Variants in GBF1 observed in about 807,000 individuals in gnomAD.
The protein encoded by GBF1 is Golgi-specific brefeldin A-resistance guanine nucleotide exchange factor 1.
In GBF1, 114 loss-of-function variants were observed where a neutral mutation model predicts 210.5. The observed-to-expected ratio is 0.54, with a 90% CI of 0.47 to 0.63. The LOEUF is 0.63. Ranked by LOEUF, GBF1 falls within the 30% of genes least tolerant of loss-of-function variation. The pLI is 0.00. For missense variants in GBF1, 1,851 were observed against 2,357.7 expected, an observed-to-expected ratio of 0.79 and a Z score of 4.45; for synonymous variants, 850 against 889.2, an observed-to-expected ratio of 0.96 and a Z score of 0.78.
intron 3 of GBF1, among the ~76,000 whole-genome samples, chr10:102,303,651 C>T (rs1001654904): frequency 6.6e-6 from 1 of 152,184 alleles, no homozygotes; most frequent in South Asian, 2.1e-4. Flanking sequence ...GCAGCTCACA[C>T]CACGCAGCTT....
chr10:102,276,387 A>G (rs814004), intron 3 of GBF1, among the ~76,000 whole-genome samples: 6 of 151,626 alleles, frequency 4.0e-5, no homozygotes, highest in African/African-American at 1.5e-4. Flanking sequence ...TTAGCTGGGC[A>G]TGGTGGCGGG....
At position 102,370,140 on chromosome 10, in the gene GBF1, G is replaced by T. The variant is rs775906622; in HGVS notation, c.3340-34G>T. ...GGACATTCTGTTCTCTTCAGCCTTT[G>T]TCAAAGACCCCCTCTCTCTTTTGCC... On this transcript the variant is annotated intron_variant, in intron 26 of 39. Transcript: ENST00000369983. 3.2e-6 allele frequency: 5 copies of T among 1,567,546 alleles called. No individual in the cohort carries two copies. In the Admixed American group the frequency reaches 8.3e-5, roughly 26 times the overall value.
At chr10:102,312,734 GC>G (rs2078580420) in intron 3 of GBF1, among the ~76,000 whole-genome samples, 1 of 152,164 alleles carries the variant, frequency 6.6e-6, no homozygotes, top group Non-Finnish European at 1.5e-5. Context: ...ATAGAGCTTT[GC>G]CCATGAGACA....
At chr10:102,314,834 T>C (rs1318267634) in intron 3 of GBF1, among the ~76,000 whole-genome samples, 1 of 152,200 alleles carries the variant, frequency 6.6e-6, no homozygotes, top group Non-Finnish European at 1.5e-5. Context: ...ATGAAAAACA[T>C]CTACCTAGCT....
chr10:102,336,037 C>T (rs571047693), intron 3 of GBF1, among the ~76,000 whole-genome samples: 10 of 152,220 alleles, frequency 6.6e-5, no homozygotes, highest in East Asian at 1.9e-4. Flanking sequence ...TGCAGTGGCT[C>T]ATGCCTGTAA....
chr10:102,278,392 G>C (rs1374915560), intron 3 of GBF1, among the ~76,000 whole-genome samples: 1 of 151,850 alleles, frequency 6.6e-6, no homozygotes, highest in Non-Finnish European at 1.5e-5. Context: ...TGGTCCTCCT[G>C]CCTTGGTCTT....
At chr10:102,236,537 C>T in the GBF1 span, among the ~76,000 whole-genome samples, 1 of 152,152 alleles carries the variant, frequency 6.6e-6, no homozygotes, top group Non-Finnish European at 1.5e-5. Flanking sequence ...GTAGTACAGG[C>T]TGGAATTACA....
chr10:102,315,436 A>G (rs1201221501), intron 3 of GBF1, among the ~76,000 whole-genome samples: 2 of 152,164 alleles, frequency 1.3e-5, no homozygotes, highest in Admixed American at 6.5e-5. Flanking sequence ...AATGTAACTA[A>G]CACTGTAGAA....
At chr10:102,260,473 C>CTTTTTTTTTTTTTTTTTTTTTTTTT (rs879575033) in intron 3 of GBF1, among the ~76,000 whole-genome samples, 3 of 74,784 alleles carry the variant, frequency 4.0e-5, no homozygotes, top group African/African-American at 7.0e-5. Flanking sequence ...ATTTTCCTTT[C>CTTTTTTTTTTTTTTTTTTTTTTTTT]TTCTTTTTTT....
At chr10:102,292,341 C>T (rs1275230628) in intron 3 of GBF1, among the ~76,000 whole-genome samples, 6 of 151,998 alleles carry the variant, frequency 3.9e-5, no homozygotes, top group African/African-American at 7.2e-5. Flanking sequence ...TTGGACCAAA[C>T]GATCTCTCAA....
chr10:102,303,418 A>G (rs1852205528), intron 3 of GBF1, among the ~76,000 whole-genome samples: 1 of 152,208 alleles, frequency 6.6e-6, no homozygotes, highest in African/African-American at 2.4e-5. Context: ...GTCAAAATCA[A>G]TTGACCATAA....
chr10:102,272,963 C>T lies in GBF1; in HGVS notation c.163+12847C>T, dbSNP rs531346751. Among the ~76,000 whole-genome samples, 5 of 152,286 alleles carry T rather than the reference C, an allele frequency of 3.3e-5. No homozygotes were observed. The South Asian group carries it at 1.0e-3, about 32-fold the overall frequency. ...GTCCCCTTCAGACTGGTTCCTTTGT[C>T]TTTTGACATGACATCTTTGAACACT... On this transcript the variant is annotated intron_variant, in intron 3 of 39. Coordinates refer to ENST00000369983, the MANE Select transcript of GBF1 (RefSeq NM_001377137.1).
chr10:102,281,504 G>T (rs1174596334), intron 3 of GBF1, among the ~76,000 whole-genome samples: 2 of 150,538 alleles, frequency 1.3e-5, no homozygotes, highest in East Asian at 3.9e-4. Context: ...TTCAATTTTA[G>T]AATCTATAAA....
chr10:102,279,757 A>C (rs1330836723), intron 3 of GBF1, among the ~76,000 whole-genome samples: 2 of 152,172 alleles, frequency 1.3e-5, no homozygotes, highest in Non-Finnish European at 2.9e-5. Context: ...TACGGAGAAT[A>C]GGCTAATGAT....
At chr10:102,256,920 C>T (rs1252888001) in intron 1 of GBF1, among the ~76,000 whole-genome samples, 1 of 152,184 alleles carries the variant, frequency 6.6e-6, no homozygotes, top group Non-Finnish European at 1.5e-5. Context: ...CGCCTGAAGT[C>T]CCTGCTACTC....
At chr10:102,231,534 A>T in the GBF1 span, 3 of 1,230,050 alleles carry the variant, frequency 2.4e-6, no homozygotes, top group Non-Finnish European at 3.5e-6. Flanking sequence ...TCCGGGTCGC[A>T]GGCTGAGCGC....
At chr10:102,323,239 G>GAAAAAAAAAAAAAAA (rs775888621) in intron 3 of GBF1, among the ~76,000 whole-genome samples, 2 of 65,836 alleles carry the variant, frequency 3.0e-5, no homozygotes, top group Non-Finnish European at 5.5e-5. Context: ...CTCCAAAATT[G>GAAAAAAAAAAAAAAA]AAAAAAAAAA....
intron 3 of GBF1, among the ~76,000 whole-genome samples, chr10:102,277,821 A>G (rs917924215): frequency 1.3e-5 from 2 of 152,166 alleles, no homozygotes; most frequent in South Asian, 4.1e-4. Flanking sequence ...AATTTTGTCA[A>G]TAAACTTTTA....
At chr10:102,270,343 T>C (rs1437423015) in intron 3 of GBF1, among the ~76,000 whole-genome samples, 1 of 152,066 alleles carries the variant, frequency 6.6e-6, no homozygotes, top group African/African-American at 2.4e-5. Flanking sequence ...CTAATTTTTG[T>C]ATTTTTGGTA....
Sources: allele counts gnomAD v4.1 joint callset (sites outside exome capture counted in the v4.1 genomes callset), GRCh38; gene constraint gnomAD v4.1.1; transcripts MANE v1.5; gene names NCBI Gene and HGNC (gene_info 2026-07-23, HGNC 2026-07-21).